PDE1C: variants seen among roughly 807,000 people sequenced by gnomAD.
PDE1C encodes the protein phosphodiesterase 1C, also known as dual specificity calcium/calmodulin-dependent 3',5'-cyclic nucleotide phosphodiesterase 1C.
PDE1C carries 62 observed loss-of-function variants against 93.1 expected under a neutral mutation model. The ratio of observed to expected loss-of-function variants is 0.67; its 90% CI spans 0.54 to 0.82. PDE1C has a LOEUF of 0.82. Among genes scored for constraint, PDE1C ranks in the 40% least tolerant of loss-of-function variants. The probability of loss-of-function intolerance (pLI) is 0.00; values close to 1 mark genes in which losing one functional copy is unlikely to be tolerated. For missense variants in PDE1C, 742 were observed against 884.6 expected (o/e 0.84, Z 2.04); for synonymous variants, 325 against 310.1 (o/e 1.05, Z -0.50).
intron 11 of PDE1C, among the ~76,000 whole-genome samples, chr7:31,836,366 C>T (rs534665317): frequency 2.6e-5 from 4 of 152,180 alleles, no homozygotes; most frequent in Admixed American, 1.3e-4. Flanking sequence ...GACAGAGTCT[C>T]GCGCTGTCGC....
At chr7:32,206,137 T>G (rs1160606019) in intron 2 of PDE1C, among the ~76,000 whole-genome samples, 3 of 152,136 alleles carry the variant, frequency 2.0e-5, no homozygotes, top group Admixed American at 6.5e-5. Flanking sequence ...AAACCCCGGC[T>G]TGACCCCCAG....
the PDE1C span, among the ~76,000 whole-genome samples, chr7:31,641,414 TGA>T: frequency 6.6e-6 from 1 of 152,082 alleles, no homozygotes; most frequent in South Asian, 2.1e-4. Context: ...CCCTTCCTCC[TGA>T]GAGACTTCCT....
chr7:31,793,523 A>G (rs1584110117), intron 16 of PDE1C, among the ~76,000 whole-genome samples: 1 of 152,152 alleles, frequency 6.6e-6, no homozygotes, highest in East Asian at 1.9e-4. Flanking sequence ...CTATGGAGTC[A>G]ACTTTCTGCA....
At position 32,171,827 on chromosome 7, in the gene PDE1C, G is replaced by C. The variant is rs751219760; in HGVS notation, c.137-1871C>G. On this transcript the variant is annotated intron_variant, in intron 2 of 18. Coordinates refer to the PDE1C transcript ENST00000396193. Reference sequence around the variant, plus strand: ...TGGAAATAGAGGGACTAGCATATAAGGAAAGTCTGAAAAACTGTCACAGCC... The same window carrying C: ...TGGAAATAGAGGGACTAGCATATAACGAAAGTCTGAAAAACTGTCACAGCC... Among the ~76,000 whole-genome samples the C allele has an allele frequency of 2.7e-5, 4 of 148,014 alleles. No individual in the cohort carries two copies. The East Asian group carries it at 5.9e-4, about 22-fold the overall frequency.
At chr7:32,316,330 A>G (rs1330246644) in intron 1 of PDE1C, among the ~76,000 whole-genome samples, 2 of 152,232 alleles carry the variant, frequency 1.3e-5, no homozygotes, top group East Asian at 1.9e-4. Context: ...ATGTTTACCA[A>G]CGATAGAATA....
chr7:31,915,260 C>CTAA (rs937916730), intron 2 of PDE1C, among the ~76,000 whole-genome samples: 1 of 152,178 alleles, frequency 6.6e-6, no homozygotes, highest in Non-Finnish European at 1.5e-5. Context: ...CAATCTCTGC[C>CTAA]TAATAGCCCA....
chr7:32,128,142 T>C (rs1232212887), intron 3 of PDE1C, among the ~76,000 whole-genome samples: 2 of 151,370 alleles, frequency 1.3e-5, no homozygotes, highest in East Asian at 1.9e-4. Flanking sequence ...GTTGGTATTA[T>C]ATTAGTTACA....
intron 2 of PDE1C, among the ~76,000 whole-genome samples, chr7:32,039,041 T>A (rs893654996): frequency 6.6e-6 from 1 of 152,112 alleles, no homozygotes; most frequent in Non-Finnish European, 1.5e-5. Context: ...ACCACCACCA[T>A]CAGCACCACC....
intron 1 of PDE1C, among the ~76,000 whole-genome samples, chr7:32,396,118 G>C (rs1326391732): frequency 1.3e-5 from 2 of 152,134 alleles, no homozygotes; most frequent in Admixed American, 6.5e-5. Context: ...AAACCCAAAA[G>C]AGAAAAGCTA....
chr7:32,337,907 G>A (rs553565753), intron 1 of PDE1C, among the ~76,000 whole-genome samples: 56 of 152,160 alleles, frequency 3.7e-4, no homozygotes, highest in Non-Finnish European at 7.9e-4. Context: ...AAGTGGTGCT[G>A]AGAAAACTGG....
At chr7:32,110,497 A>G (rs1374656566) in intron 3 of PDE1C, among the ~76,000 whole-genome samples, 1 of 152,090 alleles carries the variant, frequency 6.6e-6, no homozygotes, top group Non-Finnish European at 1.5e-5. Flanking sequence ...ACACGGCCAA[A>G]CCATATCATT....
At chr7:31,969,145 C>T (rs1175305373) in intron 2 of PDE1C, among the ~76,000 whole-genome samples, 1 of 152,146 alleles carries the variant, frequency 6.6e-6, no homozygotes, top group African/African-American at 2.4e-5. Flanking sequence ...TCTGATTATA[C>T]TAAAGAGCTT....
Position 31,905,952 on chromosome 7 carries a change from G to A in PDE1C, c.129-25092C>T, listed in dbSNP as rs779968920. ...TGCTGCAAGAAGGAGAATTGGGCAC[G>A]TCTCCTTGCTTCTGTGAATAAGGAC... On this transcript the variant is annotated intron_variant, in intron 2 of 17. Transcript: ENST00000396191. Among the ~76,000 whole-genome samples the A allele has an allele frequency of 7.2e-5, 11 of 152,206 alleles. No homozygotes were observed. The East Asian group carries it at 7.7e-4, about 11-fold the overall frequency.
intron 1 of PDE1C, among the ~76,000 whole-genome samples, chr7:32,339,564 C>T (rs909442371): frequency 1.3e-5 from 2 of 152,058 alleles, no homozygotes; most frequent in African/African-American, 2.4e-5. Flanking sequence ...AGAATTAGCC[C>T]ATATTGCTGA....
At chr7:32,392,287 A>T (rs1389038233) in intron 1 of PDE1C, among the ~76,000 whole-genome samples, 1 of 152,204 alleles carries the variant, frequency 6.6e-6, no homozygotes, top group African/African-American at 2.4e-5. Context: ...TAATAAATTG[A>T]ATTCATAGTA....
chr7:32,088,334 T>C (rs1797251717), intron 3 of PDE1C, among the ~76,000 whole-genome samples: 1 of 152,196 alleles, frequency 6.6e-6, no homozygotes, highest in South Asian at 2.1e-4. Context: ...TTATCAGAGT[T>C]TGCTCTTCAA....
intron 1 of PDE1C, among the ~76,000 whole-genome samples, chr7:32,230,080 G>C (rs1017723269): frequency 3.3e-5 from 5 of 152,174 alleles, no homozygotes; most frequent in Non-Finnish European, 5.9e-5. Flanking sequence ...CTGTAGGCCT[G>C]TCAGGTCCTG....
At chr7:32,265,244 A>T (rs1344831711) in intron 1 of PDE1C, among the ~76,000 whole-genome samples, 11 of 152,124 alleles carry the variant, frequency 7.2e-5, no homozygotes, top group Non-Finnish European at 1.5e-5. Flanking sequence ...TGCACATACA[A>T]TCTCTCTCAG....
the PDE1C span, among the ~76,000 whole-genome samples, chr7:31,647,673 C>CAAAAA: frequency 2.6e-4 from 18 of 69,330 alleles, no homozygotes; most frequent in Middle Eastern, 0.01. Context: ...GTCTCCGTCT[C>CAAAAA]AAAAAAAAAA....
Sources: gnomAD v4.1 joint callset for allele counts (sites outside exome capture counted in the v4.1 genomes callset) on GRCh38, gnomAD v4.1.1 for gene constraint, MANE v1.5 for transcripts, NCBI Gene and HGNC (gene_info 2026-07-23, HGNC 2026-07-21) for gene names.